The following ACOT11 variants were observed in gnomAD, a reference collection of about 807,000 sequenced individuals.
ACOT11 encodes acyl-CoA thioesterase 11.
In ACOT11, 69 loss-of-function variants were observed where a neutral mutation model predicts 77.5. The ratio of observed to expected loss-of-function variants is 0.89; its 90% confidence interval spans 0.73 to 1.09. The LOEUF (loss-of-function observed/expected upper bound fraction) is 1.09, where lower values mean the gene tolerates loss of function less well. Ranked by LOEUF, ACOT11 falls within the 50% of genes least tolerant of loss-of-function variation. The probability of loss-of-function intolerance (pLI) is 0.00; values close to 1 mark genes in which losing one functional copy is unlikely to be tolerated. For synonymous variants in ACOT11, 279 were observed against 313.0 expected, an observed-to-expected ratio of 0.89 and a Z score of 1.15; for missense variants, 766 against 813.7, an observed-to-expected ratio of 0.94 and a Z score of 0.71.
chr1:54,625,279 A>C (rs1044027037), intron 15 of ACOT11, among the ~76,000 whole-genome samples: 3 of 142,656 alleles, frequency 2.1e-5, no homozygotes, highest in Admixed American at 7.2e-5. Flanking sequence ...AGCTGCCAGG[A>C]GCCAGGCCCT....
intron 15 of ACOT11, among the ~76,000 whole-genome samples, chr1:54,628,862 A>C (rs113525894): frequency 0.038 from 4,995 of 131,976 alleles, 915 homozygotes; most frequent in African/African-American, 0.063. Context: ...GCATTCGAGA[A>C]CAGCCTGGCC....
intron 4 of ACOT11, 149 bp downstream of exon 4, chr1:54,592,755 G>A (rs1275730891): frequency 4.0e-6 from 3 of 748,292 alleles, no homozygotes; most frequent in Non-Finnish European, 6.2e-6. Flanking sequence ...CAGAGCAAGG[G>A]GAATCCCAAG....
At chr1:54,555,465 A>T (rs1653227626) in intron 1 of ACOT11, among the ~76,000 whole-genome samples, 1 of 151,448 alleles carries the variant, frequency 6.6e-6, no homozygotes. Context: ...TTCTTTGTAT[A>T]TTTTGGATGT....
At chr1:54,612,376 C>G (rs1644128016), downstream of ACOT11, 1 of 746,714 alleles carries the variant, frequency 1.3e-6, no homozygotes, top group African/African-American at 1.7e-5. Context: ...TGAGCACTGG[C>G]AGGGGTTGGA....
At chr1:54,629,571 C>T (rs529809076) in intron 15 of ACOT11, among the ~76,000 whole-genome samples, 1 of 133,326 alleles carries the variant, frequency 7.5e-6, no homozygotes, top group African/African-American at 2.5e-5. Flanking sequence ...CAGGCGCGAG[C>T]CCCCGTGCCC....
chr1:54,608,569 A>G (rs1390864044), intron 15 of ACOT11, among the ~76,000 whole-genome samples: 2 of 152,082 alleles, frequency 1.3e-5, no homozygotes, highest in Non-Finnish European at 2.9e-5. Context: ...CTGAATTCAT[A>G]TGCTTGAACC....
chr1:54,599,466 TC>T (rs780406391), intron 8 of ACOT11, 51 bp downstream of exon 8: 2 of 1,498,418 alleles, frequency 1.3e-6, no homozygotes, highest in African/African-American at 2.8e-5. Context: ...TGAGGGCTCT[TC>T]CTGACCCTAG....
chr1:54,568,555 G>A (rs1356682206), intron 1 of ACOT11, among the ~76,000 whole-genome samples: 1 of 151,626 alleles, frequency 6.6e-6, no homozygotes, highest in Non-Finnish European at 1.5e-5. Context: ...GTAGAGACGG[G>A]GTTTCTCCAT....
Position 54,573,117 on chromosome 1 carries a change from C to T in ACOT11, c.34-11538C>T, listed in dbSNP as rs1024712158. 4 of 985,316 alleles carry T rather than the reference C, an allele frequency of 4.1e-6. No homozygotes were observed. In the African/African-American group the frequency reaches 7.0e-5, roughly 17 times the overall value. The allele number at this position is 985,316 out of a possible 1,614,324, so 61.0% of individuals were successfully genotyped here. ...GAGGGGAGCTTCTTGGAAGTCCTGG[C>T]TCCAGGTATGGGTCCTGGCCTAGCA... On this transcript the variant is annotated intron_variant, in intron 1 of 15. Transcript: ENST00000343744.
intron 6 of ACOT11, among the ~76,000 whole-genome samples, chr1:54,596,463 C>T (rs1164317576): frequency 1.3e-5 from 2 of 152,234 alleles, no homozygotes; most frequent in Non-Finnish European, 2.9e-5. Flanking sequence ...CTGGCCTCTC[C>T]TACTAAGGAT....
At chr1:54,604,013 T>C (rs183968056) in intron 11 of ACOT11, 76 bp downstream of exon 11, 10 of 1,389,190 alleles carry the variant, frequency 7.2e-6, no homozygotes, top group South Asian at 4.6e-5. Context: ...CAGAACGGGT[T>C]TGGAGGAAGG....
intron 1 of ACOT11, among the ~76,000 whole-genome samples, chr1:54,570,398 G>C (rs906546716): frequency 1.2e-4 from 19 of 152,194 alleles, no homozygotes; most frequent in African/African-American, 3.4e-4. Flanking sequence ...GGGCTGAAAG[G>C]CTCCATCTGA....
At chr1:54,559,312 C>T (rs968895141) in intron 1 of ACOT11, among the ~76,000 whole-genome samples, 1 of 152,224 alleles carries the variant, frequency 6.6e-6, no homozygotes, top group Non-Finnish European at 1.5e-5. Context: ...CCACCCCACA[C>T]ACCTCAGGGT....
chr1:54,621,619 G>A (rs1208844620), intron 15 of ACOT11: 3 of 152,474 alleles, frequency 2.0e-5, no homozygotes, highest in Non-Finnish European at 4.4e-5. Context: ...GAGCTAACAG[G>A]AGCTGACAAA....
chr1:54,607,016 G>T lies in ACOT11; in HGVS notation c.1371-118G>T. 7.0e-7 allele frequency: 1 copy of T among 1,423,684 alleles called. No individual in the cohort carries two copies. Among genetic ancestry groups the T allele is most frequent in the Non-Finnish European group, 9.5e-7 (1 of 1,048,036 alleles). 88.2% of individuals were successfully genotyped at this position (1,423,684 alleles called of 1,614,324 possible). A position where few individuals can be genotyped will look rare whatever the true frequency, so the allele number is the denominator to read the frequency against. The stretch of plus-strand genomic sequence containing the variant: ...TGGCCCTTGCTGAGCAGTACAGGGG[G>T]TGACATCCCATCACAGAAGCTGCTC... On this transcript the variant is annotated intron_variant, in intron 13 of 15. Coordinates refer to ENST00000343744, the MANE Select transcript of ACOT11 (RefSeq NM_147161.4). This position sits in a 1 kb window ranked among gnomAD's most constrained non-coding sequence, Gnocchi z 4.5.
Position 54,594,624 on chromosome 1 carries a change from C to G in ACOT11, c.540C>G (p.Arg180=). ...TGGAGCACAGTGTGGCGGCTGAGCG[C>G]CGGCGCATGCGCCTTGTCTATGCAG... ...EKMEHSVAAE[R]RRMRLVYADT... Residue 180 remains arginine, a synonymous_variant, in exon 6 of 16, where the codon CGC becomes CGG. Coordinates refer to ENST00000343744, the MANE Select transcript of ACOT11 (RefSeq NM_147161.4). 6.2e-7 allele frequency: 1 copy of G among 1,614,160 alleles called. No individual in the cohort carries two copies. The highest frequency in any genetic ancestry group is 8.5e-7 in the Non-Finnish European group (1 of 1,180,014).
rs756664363 is a variant in ACOT11 at position 54,605,145 on chromosome 1, G to A, written c.1306G>A (p.Ala436Thr). The A allele has an allele frequency of 6.2e-7, 1 of 1,613,938 alleles. No homozygotes were observed. The highest frequency in any genetic ancestry group is 1.3e-5 in the African/African-American group (1 of 75,050). ...FHMEMVVHVD[A>T]AQAFLLLSDL... ...CATGGAGATGGTGGTGCATGTGGAT[G>A]CAGCCCAGGCCTTCCTGCTGCTCTC... The change falls in exon 13 of 16, where the codon GCA becomes ACA. Residue 436 changes from alanine (A) to threonine (T), a missense_variant. Transcript: ENST00000343744.
At chr1:54,617,055 G>T (rs1464721212) in intron 15 of ACOT11, among the ~76,000 whole-genome samples, 1 of 152,202 alleles carries the variant, frequency 6.6e-6, no homozygotes, top group African/African-American at 2.4e-5. Context: ...CGGAAAAGTT[G>T]TTCTGATTCT....
At chr1:54,557,890 G>T (rs1010850111) in intron 1 of ACOT11, among the ~76,000 whole-genome samples, 1 of 152,090 alleles carries the variant, frequency 6.6e-6, no homozygotes, top group Non-Finnish European at 1.5e-5. Flanking sequence ...AATTGCTCTG[G>T]CTAGGACTTC....
Sources: allele counts gnomAD v4.1 joint callset (sites outside exome capture counted in the v4.1 genomes callset), GRCh38; gene constraint gnomAD v4.1.1; non-coding constraint Gnocchi (gnomAD v3.1); transcripts MANE v1.5; gene names NCBI Gene and HGNC (gene_info 2026-07-23, HGNC 2026-07-21).